The following TRIO variants were observed in gnomAD, a reference collection of about 807,000 sequenced individuals.
TRIO encodes the protein triple functional domain protein.
In TRIO, 58 loss-of-function variants were observed where a neutral mutation model predicts 351.9. The ratio of observed to expected loss-of-function variants is 0.16; its 90% CI spans 0.13 to 0.21. The LOEUF is 0.21. Ranked by LOEUF, TRIO falls within the 10% of genes least tolerant of loss-of-function variation. TRIO has a pLI of 1.00. For synonymous variants in TRIO, 1,758 were observed against 1,595.7 expected (o/e 1.10, Z -2.42); for missense variants, 3,201 against 4,027.8 (o/e 0.79, Z 5.56).
chr5:14,251,621 A>T (rs1561252921), intron 1 of TRIO, among the ~76,000 whole-genome samples: 1 of 152,196 alleles, frequency 6.6e-6, no homozygotes, highest in South Asian at 2.1e-4. Flanking sequence ...TCTGGACAGC[A>T]TAGGCTCCTC....
Position 14,359,341 on chromosome 5 carries a change from C to T in TRIO, c.2217-16C>T, listed in dbSNP as rs1561388320. 1.2e-6 allele frequency: 2 copies of T among 1,603,984 alleles called. No individual in the cohort carries two copies. Among genetic ancestry groups the T allele is most frequent in the Admixed American group, 1.7e-5 (1 of 59,760 alleles). On this transcript the variant is annotated splice_polypyrimidine_tract_variant and intron_variant, in intron 12 of 56. Transcript: ENST00000344204. ...ACTTTCTCATCCAATTCCTGTTCCT[C>T]TGTGTGCTCTCGCAGGGACTCTGCC...
At position 14,467,920 on chromosome 5, in the gene TRIO, G is replaced by C. The variant is rs114970996; in HGVS notation, c.5763+2280G>C. On this transcript the variant is annotated intron_variant, in intron 37 of 56. Coordinates refer to ENST00000344204, the MANE Select transcript of TRIO (RefSeq NM_007118.4). ...TGATAAAACTGTCTAAATGAAGGGT[G>C]CTTAAATTGTATCCAGTGAGTTTTT... Among the ~76,000 whole-genome samples, 652 of 152,262 alleles carry C rather than the reference G, an allele frequency of 4.3e-3. 5 individuals are homozygous for C. Among genetic ancestry groups the C allele is most frequent in the African/African-American group, 0.014 (570 of 41,554 alleles).
chr5:14,358,445 T>C (rs1743837357), intron 12 of TRIO, 98 bp downstream of exon 12: 6 of 1,438,484 alleles, frequency 4.2e-6, no homozygotes, highest in Non-Finnish European at 5.7e-6. Context: ...TCTGCTTCTC[T>C]GTCCAGCTGA....
intron 48 of TRIO, 113 bp downstream of exon 48, chr5:14,488,373 C>G (rs1031216982): frequency 2.1e-6 from 3 of 1,430,182 alleles, no homozygotes; most frequent in South Asian, 1.4e-5. Flanking sequence ...CTCCGCCGCC[C>G]GTTGCGGCCT....
At chr5:14,243,553 T>A (rs1211422856) in intron 1 of TRIO, among the ~76,000 whole-genome samples, 2 of 152,030 alleles carry the variant, frequency 1.3e-5, no homozygotes, top group African/African-American at 4.8e-5. Context: ...CAAATAGAGG[T>A]CATAATGACA....
rs1453201222 is a variant in TRIO, at chr5:14,143,423, G to C, written c.-303G>C. On this transcript the variant is annotated 5_prime_UTR_variant, in exon 1 of 57. Transcript: ENST00000344204. ...TCGCCGGCCACGGGCCCCCGCCCTCGCGACTGCGCGTCCGGGAGGCGCGTG... is the reference window on the plus strand; with the variant it reads ...TCGCCGGCCACGGGCCCCCGCCCTCCCGACTGCGCGTCCGGGAGGCGCGTG... 6.7e-6 allele frequency among the ~76,000 whole-genome samples: 1 copy of C among 149,590 alleles called. No homozygotes were observed. The highest frequency in any genetic ancestry group is 1.5e-5 in the Non-Finnish European group (1 of 67,328).
intron 54 of TRIO, among the ~76,000 whole-genome samples, chr5:14,503,964 G>A (rs537543167): frequency 2.0e-5 from 3 of 152,354 alleles, no homozygotes; most frequent in Admixed American, 6.5e-5. Flanking sequence ...CCACAGGGGC[G>A]AGGCTGAGGC....
chr5:14,285,640 G>C (rs1736376699), intron 3 of TRIO, among the ~76,000 whole-genome samples: 1 of 152,090 alleles, frequency 6.6e-6, no homozygotes, highest in Non-Finnish European at 1.5e-5. Flanking sequence ...CTTAATGATA[G>C]CAATTGGTTT....
At chr5:14,210,731 C>T (rs1260375670) in intron 1 of TRIO, among the ~76,000 whole-genome samples, 3 of 152,056 alleles carry the variant, frequency 2.0e-5, no homozygotes, top group African/African-American at 7.3e-5. Flanking sequence ...GTTATTGTAG[C>T]GGTATGTTTT....
intron 1 of TRIO, among the ~76,000 whole-genome samples, chr5:14,161,006 G>T (rs1361950609): frequency 6.6e-6 from 1 of 152,108 alleles, no homozygotes; most frequent in Non-Finnish European, 1.5e-5. Context: ...TGCCTCCTGG[G>T]TTCAAGCGAT....
intron 12 of TRIO, 150 bp from the exon 13 acceptor site, chr5:14,359,207 T>G: frequency 1.2e-6 from 1 of 845,434 alleles, no homozygotes; most frequent in Non-Finnish European, 1.8e-6. Flanking sequence ...CTAATATTGT[T>G]TTGCAGGAGA....
intron 8 of TRIO, among the ~76,000 whole-genome samples, chr5:14,313,783 G>A (rs990890660): frequency 6.6e-6 from 1 of 152,228 alleles, no homozygotes; most frequent in Admixed American, 6.5e-5. Context: ...CAAGGAGGAG[G>A]AAGGGACAAG....
At position 14,275,171 on chromosome 5, in the gene TRIO, T is replaced by C. The variant is rs537294549; in HGVS notation, c.232+4272T>C. On this transcript the variant is annotated intron_variant, in intron 2 of 56. Transcript: ENST00000344204. ...TATATATTTGTGGATATCTGTTTCATGAATCTAAAAATGTTAGTTCTTATG... is the reference window on the plus strand; with the variant it reads ...TATATATTTGTGGATATCTGTTTCACGAATCTAAAAATGTTAGTTCTTATG... 2.0e-5 allele frequency among the ~76,000 whole-genome samples: 3 copies of C among 152,362 alleles called. No individual in the cohort carries two copies. The South Asian group carries it at 6.2e-4, about 32-fold the overall frequency.
At chr5:14,398,815 C>T in intron 29 of TRIO, 65 bp from the exon 30 acceptor site, 1 of 1,454,396 alleles carries the variant, frequency 6.9e-7, no homozygotes, top group Non-Finnish European at 9.4e-7. Context: ...ACTAATAATG[C>T]TTTCTTGTGC....
At chr5:14,377,124 A>G (rs999122763) in intron 19 of TRIO, among the ~76,000 whole-genome samples, 1 of 147,350 alleles carries the variant, frequency 6.8e-6, no homozygotes, top group Non-Finnish European at 1.5e-5. Context: ...TTGTTTGGTT[A>G]TGACATTTTA....
Position 14,152,393 on chromosome 5 carries a change from T to C in TRIO, c.157+8511T>C, listed in dbSNP as rs552654049. ...GTTTGTTTGTTTGTTTGTTTTGAGA[T>C]GGAGTCTCGCTCTGTCACCCAGGCT... On this transcript the variant is annotated intron_variant, in intron 1 of 56. Coordinates refer to ENST00000344204, the MANE Select transcript of TRIO (RefSeq NM_007118.4). Among the ~76,000 whole-genome samples the C allele has an allele frequency of 2.0e-5, 3 of 149,680 alleles. No individual in the cohort carries two copies. The East Asian group carries it at 5.8e-4, about 29-fold the overall frequency.
chr5:14,356,719 G>A (rs1290927298), intron 11 of TRIO, among the ~76,000 whole-genome samples: 3 of 152,180 alleles, frequency 2.0e-5, no homozygotes, highest in Admixed American at 2.0e-4. Flanking sequence ...GGAAATAACC[G>A]AGATGCCCAC....
At chr5:14,172,662 C>T (rs1009301429) in intron 1 of TRIO, among the ~76,000 whole-genome samples, 1 of 152,220 alleles carries the variant, frequency 6.6e-6, no homozygotes, top group African/African-American at 2.4e-5. Flanking sequence ...GAGGTGGAGC[C>T]TTCGTGGCAT....
At chr5:14,391,097 G>T in intron 27 of TRIO, 107 bp downstream of exon 27, 1 of 828,620 alleles carries the variant, frequency 1.2e-6, no homozygotes, top group Non-Finnish European at 1.8e-6. Flanking sequence ...TTTCATTTTT[G>T]TCTATCATTT....
Sources: gnomAD v4.1 joint callset for allele counts (sites outside exome capture counted in the v4.1 genomes callset) on GRCh38, gnomAD v4.1.1 for gene constraint, MANE v1.5 for transcripts, NCBI Gene and HGNC (gene_info 2026-07-23, HGNC 2026-07-21) for gene names.